IL17RE: variants seen among roughly 807,000 people sequenced by gnomAD.
The protein encoded by IL17RE is interleukin-17 receptor E.
Under a neutral mutation model 70.7 loss-of-function variants are expected in IL17RE, and 47 were observed. The ratio of observed to expected loss-of-function variants is 0.67; its 90% CI spans 0.53 to 0.85. IL17RE has a LOEUF of 0.85. Ranked by LOEUF, IL17RE falls within the 40% of genes least tolerant of loss-of-function variation. The pLI is 0.00. For synonymous variants in IL17RE, 372 were observed against 381.2 expected (o/e 0.98, Z 0.28); for missense variants, 850 against 893.9 (o/e 0.95, Z 0.63).
chr3:9,915,678 G>C lies in IL17RE; in HGVS notation c.1875G>C (p.Ala625=). ...GCGACCTGCCGCGTCTGCTGCGGGC[G>C]CTGGACGCGCGGCCTTTCGCAGAGG... The part of the protein sequence containing the change: ...LLRDLPRLLR[A]LDARPFAEAT... The change falls in exon 16 of 16, where the codon GCG becomes GCC. Residue 625 remains alanine (A), a synonymous_variant. Transcript: ENST00000383814. This position sits in a 1 kb window ranked among gnomAD's most constrained non-coding sequence, Gnocchi z 4.9. 7.2e-7 allele frequency: 1 copy of C among 1,388,412 alleles called. No individual in the cohort carries two copies. The allele number at this position is 1,388,412 out of a possible 1,614,324, so 86.0% of individuals were successfully genotyped here.
intron 1 of IL17RE, 139 bp downstream of exon 1, chr3:9,903,203 G>C: frequency 1.0e-6 from 1 of 957,888 alleles, no homozygotes; most frequent in Non-Finnish European, 1.6e-6. Flanking sequence ...GTCTCAAAGG[G>C]GTAGCCAAGG....
intron 2 of IL17RE, 96 bp downstream of exon 2, chr3:9,903,508 G>A (rs1313470308): frequency 1.2e-5 from 17 of 1,361,318 alleles, no homozygotes; most frequent in South Asian, 4.7e-5. Context: ...TTCCCAACCC[G>A]GGAAGTAGCA....
At position 9,906,866 on chromosome 3, in the gene IL17RE, G is replaced by C; in HGVS notation, c.526+1G>C. On this transcript the variant is annotated splice_donor_variant, in intron 5 of 15. Transcript: ENST00000383814. LOFTEE classifies it high-confidence loss of function. ...AGATTGGACTCACAAAGGCATGGAGGTGGGCACTGGGTACAACAGGAGATG... is the reference window on the plus strand; with the variant it reads ...AGATTGGACTCACAAAGGCATGGAGCTGGGCACTGGGTACAACAGGAGATG... 6.2e-7 allele frequency: 1 copy of C among 1,614,204 alleles called. No homozygotes were observed. The highest frequency in any genetic ancestry group is 8.5e-7 in the Non-Finnish European group (1 of 1,180,034).
chr3:9,902,135 A>G (rs575707576), upstream of IL17RE, among the ~76,000 whole-genome samples: 4 of 152,208 alleles, frequency 2.6e-5, no homozygotes, highest in South Asian at 8.3e-4. Flanking sequence ...TCCCACAAAG[A>G]TGGAGCCTCG....
Position 9,915,250 on chromosome 3 carries a change from G to C in IL17RE, c.1448-1G>C. ...CTTCATCTGTTGCTTCCCGCCACCA[G>C]GCCCGGGCCCAGCGCGGCCAGTGCT... On this transcript the variant is annotated splice_acceptor_variant, in intron 15 of 15. Transcript: ENST00000383814. LOFTEE classifies it high-confidence loss of function. This position sits in a 1 kb window ranked among gnomAD's most constrained non-coding sequence, Gnocchi z 4.9. The C allele has an allele frequency of 7.2e-7, 1 of 1,390,162 alleles. No homozygotes were observed. Among genetic ancestry groups the C allele is most frequent in the Non-Finnish European group, 9.3e-7 (1 of 1,079,482 alleles). The allele number at this position is 1,390,162 out of a possible 1,614,324, so 86.1% of individuals were successfully genotyped here. A position where few individuals can be genotyped will look rare whatever the true frequency, so the allele number is the denominator to read the frequency against.
At position 9,903,494 on chromosome 3, in the gene IL17RE, T is replaced by G. The variant is rs987618607; in HGVS notation, c.148+82T>G. 3 of 1,485,848 alleles carry G rather than the reference T, an allele frequency of 2.0e-6. No individual in the cohort carries two copies. In the African/African-American group the frequency reaches 4.2e-5, roughly 21 times the overall value. 92.0% of individuals were successfully genotyped at this position (1,485,848 alleles called of 1,614,324 possible). A position where few individuals can be genotyped will look rare whatever the true frequency, so the allele number is the denominator to read the frequency against. On this transcript the variant is annotated intron_variant, in intron 2 of 15. Transcript: ENST00000383814. ...CCTAGCAAGCCCTCCATTCTAATTT[T>G]CAGTTCCCAACCCGGGAAGTAGCAC...
rs1161354596 is a variant in IL17RE at position 9,911,462 on chromosome 3, T to C, written c.1092T>C (p.Asn364=). 1 of 1,614,152 alleles carries C rather than the reference T, an allele frequency of 6.2e-7. No individual in the cohort carries two copies. The part of the protein sequence containing the change: ...PHQTGSLTSW[N]VSMDTQAQQL... ...AAACAGGGTCTCTCACATCCTGGAA[T>C]GTAAGCATGGATACCCAAGCCCAGC... The change falls in exon 12 of 16, where the codon AAT becomes AAC. Residue 364 remains asparagine, a synonymous_variant. Transcript: ENST00000383814.
chr3:9,907,251 C>A, intron 6 of IL17RE, 151 bp downstream of exon 6: 2 of 1,068,586 alleles, frequency 1.9e-6, no homozygotes, highest in Non-Finnish European at 2.7e-6. Flanking sequence ...ATTAAGACTT[C>A]TTTGGGCGTG....
In IL17RE at chr3:9,915,170, CGGTATCCCGAGAG is replaced by C; in HGVS notation, c.1448-77_1448-65del. ...CGGGGGCGGAGAGGCGAGCACCCTA[CGGTATCCCGAGAG>C]GGTGGGGAGAAGAGGGCTGAGCAGT... is the stretch of plus-strand genomic sequence containing the variant. On this transcript the variant is annotated intron_variant, in intron 15 of 15. Transcript: ENST00000383814. This position sits in a 1 kb window ranked among gnomAD's most constrained non-coding sequence, Gnocchi z 4.9. The C allele has an allele frequency of 7.5e-7, 1 of 1,340,570 alleles. No individual in the cohort carries two copies. Among genetic ancestry groups the C allele is most frequent in the African/African-American group, 1.5e-5 (1 of 65,534 alleles). The allele number at this position is 1,340,570 out of a possible 1,614,324, so 83.0% of individuals were successfully genotyped here.
At chr3:9,902,598 A>AGTAGGAGGG (rs1249390702), upstream of IL17RE, 1 of 1,534,776 alleles carries the variant, frequency 6.5e-7, no homozygotes. Flanking sequence ...GTGTTTCAGG[A>AGTAGGAGGG]GTAGGAGGGG....
intron 3 of IL17RE, 114 bp downstream of exon 3, chr3:9,904,265 C>A: frequency 6.5e-6 from 8 of 1,225,404 alleles, no homozygotes; most frequent in African/African-American, 1.5e-5. Context: ...TTAACCTCAA[C>A]TGGGACTTGG....
chr3:9,915,829 G>A lies in IL17RE; in HGVS notation c.*22G>A. On this transcript the variant is annotated 3_prime_UTR_variant, in exon 16 of 16. Coordinates refer to ENST00000383814, the MANE Select transcript of IL17RE (RefSeq NM_153480.2). This position sits in a 1 kb window ranked among gnomAD's most constrained non-coding sequence, Gnocchi z 4.9. ...TTGAGCAGAGCTCCACCGCAGTCCC[G>A]GGTGTCTGCGGCCGCAACGCAACGG... 3.4e-6 allele frequency: 5 copies of A among 1,480,268 alleles called. No homozygotes were observed. The highest frequency in any genetic ancestry group is 2.7e-5 in the East Asian group (1 of 37,442). The allele number at this position is 1,480,268 out of a possible 1,614,324, so 91.7% of individuals were successfully genotyped here.
chr3:9,909,390 T>C (rs1457662153), intron 8 of IL17RE, 107 bp downstream of exon 8: 3 of 1,031,376 alleles, frequency 2.9e-6, no homozygotes, highest in African/African-American at 3.2e-5. Context: ...ACTTCACACA[T>C]GTGCTGGGGG....
intron 8 of IL17RE, 67 bp downstream of exon 8, chr3:9,909,350 CAT>C (rs2082836556): frequency 2.6e-5 from 33 of 1,258,686 alleles, no homozygotes; most frequent in Admixed American, 1.3e-4. Flanking sequence ...CCTACACACA[CAT>C]GTACACACAC....
chr3:9,913,946 G>A lies in IL17RE; in HGVS notation c.1228-10G>A, dbSNP rs1222964067. 2 of 1,613,144 alleles carry A rather than the reference G, an allele frequency of 1.2e-6. No homozygotes were observed. Among genetic ancestry groups the A allele is most frequent in the East Asian group, 4.5e-5 (2 of 44,876 alleles). On this transcript the variant is annotated splice_polypyrimidine_tract_variant and intron_variant, in intron 12 of 15. Transcript: ENST00000383814. Reference sequence around the variant, plus strand: ...CCTGGGGACAGCCTTTCTGCTCTTTGTTTCTACAGGCCCGGGGCTCAAGCC... The same window carrying A: ...CCTGGGGACAGCCTTTCTGCTCTTTATTTCTACAGGCCCGGGGCTCAAGCC...
In IL17RE at chr3:9,906,384, C is replaced by A. The variant is rs761120126; in HGVS notation, c.289C>A (p.His97Asn). Reference sequence around the variant, plus strand: ...CACAGGTCTTCAACGGGGCCTCTTCCACCTCCTGGTGCAGAAATCCAAAAA... The same window carrying A: ...CACAGGTCTTCAACGGGGCCTCTTCAACCTCCTGGTGCAGAAATCCAAAAA... Reference protein sequence around the residue: ...GGSGLQRGLFHLLVQKSKKSS... With the variant: ...GGSGLQRGLFNLLVQKSKKSS... Residue 97 changes from histidine (H) to asparagine (N), a missense_variant, in exon 4 of 16, where the codon CAC becomes AAC. His to Asn is a moderately conservative substitution (Grantham distance 68, BLOSUM62 1). Coordinates refer to ENST00000383814, the MANE Select transcript of IL17RE (RefSeq NM_153480.2). 1 of 1,613,802 alleles carries A rather than the reference C, an allele frequency of 6.2e-7. No individual in the cohort carries two copies. Among genetic ancestry groups the A allele is most frequent in the South Asian group, 1.1e-5 (1 of 91,036 alleles).
chr3:9,911,791 TTTTTTTTC>T (rs1217656125), intron 12 of IL17RE, 194 bp downstream of exon 12: 501 of 488,314 alleles, frequency 1.0e-3, no homozygotes, highest in African/African-American at 6.2e-3. Flanking sequence ...GAGCATTTTC[TTTTTTTTC>T]TTTTTTTCTT....
chr3:9,914,858 G>A, intron 15 of IL17RE, 81 bp downstream of exon 15: 1 of 1,179,292 alleles, frequency 8.5e-7, no homozygotes, highest in Non-Finnish European at 1.2e-6. Flanking sequence ...CCCTGTCTGA[G>A]CTCTCAGCAC....
Position 9,915,816 on chromosome 3 carries a change from C to G in IL17RE, c.*9C>G. On this transcript the variant is annotated 3_prime_UTR_variant, in exon 16 of 16. Transcript: ENST00000383814. The surrounding 1 kb of genome is among the most constrained non-coding windows in gnomAD (Gnocchi z 4.9). Reference sequence around the variant, plus strand: ...TTGCAGACCTAGGTTGAGCAGAGCTCCACCGCAGTCCCGGGTGTCTGCGGC... The same window carrying G: ...TTGCAGACCTAGGTTGAGCAGAGCTGCACCGCAGTCCCGGGTGTCTGCGGC... 1 of 1,501,700 alleles carries G rather than the reference C, an allele frequency of 6.7e-7. No individual in the cohort carries two copies. The highest frequency in any genetic ancestry group is 8.8e-7 in the Non-Finnish European group (1 of 1,138,550). 93.0% of individuals were successfully genotyped at this position (1,501,700 alleles called of 1,614,324 possible).
Sources: gnomAD v4.1 joint callset for allele counts (sites outside exome capture counted in the v4.1 genomes callset) on GRCh38, gnomAD v4.1.1 for gene constraint, Gnocchi (gnomAD v3.1) non-coding constraint, MANE v1.5 for transcripts, NCBI Gene and HGNC (gene_info 2026-07-23, HGNC 2026-07-21) for gene names.